SDK1: variants seen among roughly 807,000 people sequenced by gnomAD.
SDK1 encodes protein sidekick-1.
A neutral mutation model predicts 245.5 loss-of-function variants in SDK1; 157 were observed. The observed-to-expected ratio is 0.64, with a 90% CI of 0.56 to 0.73. The LOEUF (loss-of-function observed/expected upper bound fraction) is 0.73, where lower values mean the gene tolerates loss of function less well. SDK1 is among the 30% of genes least tolerant of loss of function. SDK1 has a pLI of 0.00. For synonymous variants in SDK1, 1,647 were observed against 1,278.5 expected, an observed-to-expected ratio of 1.29 and a Z score of -6.15; for missense variants, 3,583 against 3,002.3, an observed-to-expected ratio of 1.19 and a Z score of -4.52.
chr7:3,963,735 T>C (rs1412371468), intron 9 of SDK1, among the ~76,000 whole-genome samples: 164 of 85,740 alleles, frequency 1.9e-3, no homozygotes, highest in African/African-American at 3.0e-3. Context: ...AGTGAGTACA[T>C]TCAGCCCCAT....
At chr7:3,837,162 A>G (rs887347124) in intron 5 of SDK1, among the ~76,000 whole-genome samples, 1 of 152,228 alleles carries the variant, frequency 6.6e-6, no homozygotes, top group African/African-American at 2.4e-5. Context: ...AGCTCAGTCC[A>G]TAACGACTTA....
chr7:3,383,462 TA>T (rs1431361264), intron 1 of SDK1, among the ~76,000 whole-genome samples: 1 of 152,120 alleles, frequency 6.6e-6, no homozygotes, highest in Non-Finnish European at 1.5e-5. Flanking sequence ...AAGTCTTCAA[TA>T]AAAGGATAAA....
At chr7:3,993,192 C>G (rs1784470933) in intron 14 of SDK1, among the ~76,000 whole-genome samples, 1 of 152,178 alleles carries the variant, frequency 6.6e-6, no homozygotes, top group Admixed American at 6.5e-5. Flanking sequence ...GCAACAGTTG[C>G]CACCAGTTTC....
At chr7:3,756,379 A>G (rs1335676687) in intron 4 of SDK1, among the ~76,000 whole-genome samples, 1 of 151,528 alleles carries the variant, frequency 6.6e-6, no homozygotes, top group Non-Finnish European at 1.5e-5. Context: ...TTCACATGGC[A>G]TAGCACATGT....
chr7:3,314,201 A>G (rs1779612093), intron 1 of SDK1, among the ~76,000 whole-genome samples: 1 of 152,186 alleles, frequency 6.6e-6, no homozygotes, highest in African/African-American at 2.4e-5. Context: ...CTGGGGACTC[A>G]GATTGGCACG....
chr7:4,196,150 G>A lies in SDK1; in HGVS notation c.5099-9729G>A, dbSNP rs75378964. 9.3e-3 allele frequency among the ~76,000 whole-genome samples: 1,412 copies of A among 152,222 alleles called. 18 individuals are homozygous for A. The highest frequency in any genetic ancestry group is 0.032 in the African/African-American group (1,345 of 41,518). ...CAGGTTTGAATCTAGCTCATTATGGGGGATGTGACTTAACCCCTCAAGGCC... is the reference window on the plus strand; with the variant it reads ...CAGGTTTGAATCTAGCTCATTATGGAGGATGTGACTTAACCCCTCAAGGCC... On this transcript the variant is annotated intron_variant, in intron 35 of 44. Coordinates refer to ENST00000404826, the MANE Select transcript of SDK1 (RefSeq NM_152744.4).
intron 4 of SDK1, among the ~76,000 whole-genome samples, chr7:3,660,723 T>G (rs1435012780): frequency 6.6e-6 from 1 of 152,248 alleles, no homozygotes; most frequent in African/African-American, 2.4e-5. Flanking sequence ...ATGATTTCTC[T>G]TCATGTTTTA....
rs1780877614 is a variant in SDK1 at position 3,952,064 on chromosome 7, C to G, written c.1150+144C>G. On this transcript the variant is annotated intron_variant, in intron 7 of 44. Transcript: ENST00000404826. ...GTGAGGTTGAGTTTACCTTCGAAAT[C>G]CTTCCTAGCCTTCTTTCCCAAGAAT... 1.0e-5 allele frequency: 7 copies of G among 683,666 alleles called. No individual in the cohort carries two copies. The South Asian group carries it at 1.3e-4, about 13-fold the overall frequency. The allele number at this position is 683,666 out of a possible 1,614,324, so 42.3% of individuals were successfully genotyped here.
At chr7:4,082,067 T>A (rs1262554414) in intron 22 of SDK1, among the ~76,000 whole-genome samples, 1 of 152,182 alleles carries the variant, frequency 6.6e-6, no homozygotes, top group African/African-American at 2.4e-5. Flanking sequence ...ATCTTTGGTG[T>A]TGGAATAACA....
At chr7:3,767,214 C>T (rs536776496) in intron 4 of SDK1, among the ~76,000 whole-genome samples, 1 of 151,910 alleles carries the variant, frequency 6.6e-6, no homozygotes, top group Non-Finnish European at 1.5e-5. Flanking sequence ...AGGGGTGGGC[C>T]CTCAGGTAGA....
chr7:3,665,511 A>T (rs1201678892), intron 4 of SDK1, among the ~76,000 whole-genome samples: 3 of 152,152 alleles, frequency 2.0e-5, no homozygotes, highest in Non-Finnish European at 4.4e-5. Flanking sequence ...AGCACACCAC[A>T]CATATTGATG....
At chr7:3,664,952 G>C (rs1038091375) in intron 4 of SDK1, among the ~76,000 whole-genome samples, 3 of 152,154 alleles carry the variant, frequency 2.0e-5, no homozygotes, top group East Asian at 1.9e-4. Flanking sequence ...CAGAGGAACA[G>C]ATGTGACCCA....
In SDK1 at chr7:3,441,188, A is replaced by G. The variant is rs1996825; in HGVS notation, c.298+139304A>G. Among the ~76,000 whole-genome samples, 178 of 152,258 alleles carry G rather than the reference A, an allele frequency of 1.2e-3. 1 individual carries two copies. The highest frequency in any genetic ancestry group is 4.1e-3 in the African/African-American group (170 of 41,546). On this transcript the variant is annotated intron_variant, in intron 1 of 44. Coordinates refer to ENST00000404826, the MANE Select transcript of SDK1 (RefSeq NM_152744.4). Reference sequence around the variant, plus strand: ...TTACAGTATGTTATAATTCTATTTTATTACTAGTTATTGTTAATATTTTAT... The same window carrying G: ...TTACAGTATGTTATAATTCTATTTTGTTACTAGTTATTGTTAATATTTTAT...
chr7:3,474,602 C>A (rs1781295419), intron 1 of SDK1, among the ~76,000 whole-genome samples: 1 of 152,178 alleles, frequency 6.6e-6, no homozygotes, highest in Admixed American at 6.5e-5. Context: ...GCCACCTCTA[C>A]TTCCTACATT....
At chr7:3,618,696 G>T (rs564600637) in intron 1 of SDK1, among the ~76,000 whole-genome samples, 1 of 152,166 alleles carries the variant, frequency 6.6e-6, no homozygotes, top group Non-Finnish European at 1.5e-5. Flanking sequence ...AGGTTATAGA[G>T]GAAACTTCTC....
At chr7:3,701,891 C>A (rs1583321608) in intron 4 of SDK1, among the ~76,000 whole-genome samples, 1 of 97,740 alleles carries the variant, frequency 1.0e-5, no homozygotes, top group African/African-American at 3.8e-5. Context: ...GTCTTTTCAA[C>A]AAATGCTGCT....
chr7:3,463,190 C>T lies in SDK1; in HGVS notation c.299-155890C>T, dbSNP rs114559282. Among the ~76,000 whole-genome samples the T allele has an allele frequency of 1.3e-3, 195 of 152,320 alleles. 4 individuals are homozygous for T. The highest frequency in any genetic ancestry group is 4.5e-3 in the African/African-American group (189 of 41,564). The stretch of plus-strand genomic sequence containing the variant: ...TCGAGATTTGTAGGCTTTGCTTATT[C>T]TTCATAGTCCTTTAGGTTTACATTT... On this transcript the variant is annotated intron_variant, in intron 1 of 44. Transcript: ENST00000404826.
At chr7:4,117,289 G>C (rs899746735) in intron 25 of SDK1, among the ~76,000 whole-genome samples, 8 of 152,052 alleles carry the variant, frequency 5.3e-5, no homozygotes, top group African/African-American at 1.9e-4. Context: ...GCAACATAGT[G>C]AGACCCCATC....
intron 1 of SDK1, among the ~76,000 whole-genome samples, chr7:3,504,680 A>C (rs1782333021): frequency 6.6e-6 from 1 of 152,144 alleles, no homozygotes; most frequent in Admixed American, 6.5e-5. Flanking sequence ...TATAGCTAAA[A>C]CTATGAAACT....
Sources: allele counts gnomAD v4.1 joint callset (sites outside exome capture counted in the v4.1 genomes callset), GRCh38; gene constraint gnomAD v4.1.1; transcripts MANE v1.5; gene names NCBI Gene and HGNC (gene_info 2026-07-23, HGNC 2026-07-21).